The following SCAPER variants were observed in gnomAD, a reference collection of about 807,000 sequenced individuals.
SCAPER encodes S-phase cyclin A associated protein in the ER.
SCAPER carries 98 observed loss-of-function variants against 182.2 expected under a neutral mutation model. The observed-to-expected ratio is 0.54, with a 90% CI of 0.46 to 0.64. SCAPER has a LOEUF of 0.64. Among genes scored for constraint, SCAPER ranks in the 30% least tolerant of loss-of-function variants. The pLI is 0.00. For synonymous variants in SCAPER, 605 were observed against 564.6 expected, an observed-to-expected ratio of 1.07 and a Z score of -1.01; for missense variants, 1,432 against 1,690.0, an observed-to-expected ratio of 0.85 and a Z score of 2.68.
At chr15:76,415,663 A>G (rs1356881120) in intron 26 of SCAPER, among the ~76,000 whole-genome samples, 1 of 152,222 alleles carries the variant, frequency 6.6e-6, no homozygotes, top group African/African-American at 2.4e-5. Context: ...AAAAACGATT[A>G]AAAGTAGAAT....
At chr15:76,444,978 A>G (rs953210269) in intron 25 of SCAPER, among the ~76,000 whole-genome samples, 4 of 152,076 alleles carry the variant, frequency 2.6e-5, no homozygotes, top group African/African-American at 9.7e-5. Flanking sequence ...GTTATTCTTT[A>G]TATCTTCTAT....
intron 25 of SCAPER, among the ~76,000 whole-genome samples, chr15:76,444,959 T>C (rs1256432068): frequency 6.6e-6 from 1 of 152,226 alleles, no homozygotes; most frequent in African/African-American, 2.4e-5. Flanking sequence ...AATTATAGCA[T>C]TTCACTTGGT....
intron 21 of SCAPER, among the ~76,000 whole-genome samples, chr15:76,637,738 ATATATG>A (rs1357403562): frequency 1.6e-3 from 45 of 28,732 alleles, no homozygotes; most frequent in African/African-American, 3.4e-3. Flanking sequence ...ATATATATAT[ATATATG>A]TGTGTGTGTG....
At chr15:76,514,782 C>T (rs1346432501) in intron 23 of SCAPER, among the ~76,000 whole-genome samples, 4 of 152,142 alleles carry the variant, frequency 2.6e-5, no homozygotes, top group Admixed American at 2.6e-4. Flanking sequence ...TTTTTATGGT[C>T]GTTTTTCCCA....
chr15:76,388,776 T>C (rs2043455384), intron 27 of SCAPER, among the ~76,000 whole-genome samples: 1 of 151,822 alleles, frequency 6.6e-6, no homozygotes, highest in African/African-American at 2.4e-5. Flanking sequence ...CTGGCCAACA[T>C]GGTGAAACCC....
intron 1 of SCAPER, among the ~76,000 whole-genome samples, chr15:76,901,102 C>T (rs1042369250): frequency 5.9e-5 from 9 of 152,022 alleles, no homozygotes; most frequent in Non-Finnish European, 1.2e-4. Flanking sequence ...TGGTGGCACC[C>T]GCCTGTAGTC....
intron 23 of SCAPER, among the ~76,000 whole-genome samples, chr15:76,527,915 C>G (rs1161539223): frequency 6.6e-6 from 1 of 152,084 alleles, no homozygotes; most frequent in African/African-American, 2.4e-5. Context: ...AAAACTTTCC[C>G]CAACTATCTG....
intron 5 of SCAPER, among the ~76,000 whole-genome samples, chr15:76,835,238 C>A (rs563434922): frequency 6.6e-6 from 1 of 151,902 alleles, no homozygotes; most frequent in Non-Finnish European, 1.5e-5. Flanking sequence ...CAGAAAAGCT[C>A]AGGCCAATAT....
At chr15:76,452,981 C>T (rs2048477218) in intron 25 of SCAPER, among the ~76,000 whole-genome samples, 2 of 152,044 alleles carry the variant, frequency 1.3e-5, no homozygotes, top group Admixed American at 6.5e-5. Flanking sequence ...CGGGTGTGTG[C>T]CACCACACCC....
chr15:76,435,250 G>A (rs546316136), intron 25 of SCAPER, among the ~76,000 whole-genome samples: 49 of 152,270 alleles, frequency 3.2e-4, no homozygotes, highest in African/African-American at 7.2e-5. Context: ...CAGCACTATC[G>A]ACTGCATAGT....
chr15:76,483,149 C>T (rs1407125245), intron 24 of SCAPER, among the ~76,000 whole-genome samples: 1 of 151,902 alleles, frequency 6.6e-6, no homozygotes, highest in Non-Finnish European at 1.5e-5. Flanking sequence ...AAAAAATAGA[C>T]ACATAGATCA....
intron 20 of SCAPER, among the ~76,000 whole-genome samples, chr15:76,686,929 C>A (rs1473542670): frequency 4.6e-5 from 7 of 152,048 alleles, no homozygotes; most frequent in Non-Finnish European, 7.4e-5. Flanking sequence ...GAGGATCTAT[C>A]AAGCAACATT....
intron 15 of SCAPER, among the ~76,000 whole-genome samples, chr15:76,733,886 A>G (rs28416134): frequency 0.022 from 3,327 of 152,338 alleles, 113 homozygotes; most frequent in African/African-American, 0.069. Flanking sequence ...CTCAAAATGG[A>G]TAATAATCCA....
intron 20 of SCAPER, among the ~76,000 whole-genome samples, chr15:76,688,329 A>G (rs930989701): frequency 7.2e-5 from 11 of 152,114 alleles, no homozygotes; most frequent in Non-Finnish European, 1.6e-4. Flanking sequence ...TAGATTCTGG[A>G]TATTAGCCCT....
At chr15:76,718,627 C>A (rs937267295) in intron 17 of SCAPER, among the ~76,000 whole-genome samples, 1 of 147,018 alleles carries the variant, frequency 6.8e-6, no homozygotes, top group African/African-American at 2.5e-5. Context: ...GACAAGAGAA[C>A]AAGATTCTGT....
chr15:76,819,323 G>A (rs2067331002), intron 5 of SCAPER, among the ~76,000 whole-genome samples: 1 of 152,200 alleles, frequency 6.6e-6, no homozygotes, highest in South Asian at 2.1e-4. Flanking sequence ...TAGCCTAACT[G>A]GGAGCCACCC....
chr15:76,720,419 T>C (rs533022023), intron 17 of SCAPER, among the ~76,000 whole-genome samples: 82 of 152,326 alleles, frequency 5.4e-4, no homozygotes, highest in African/African-American at 2.0e-3. Context: ...AGCAGCATGA[T>C]TTATAATCCT....
intron 22 of SCAPER, among the ~76,000 whole-genome samples, chr15:76,608,899 C>A (rs1398650662): frequency 6.6e-6 from 1 of 152,094 alleles, no homozygotes; most frequent in Non-Finnish European, 1.5e-5. Flanking sequence ...TGGGAGTGAC[C>A]CGATTTTCCA....
chr15:76,767,650 A>G (rs1396227803), intron 10 of SCAPER, among the ~76,000 whole-genome samples: 3 of 152,154 alleles, frequency 2.0e-5, no homozygotes, highest in Non-Finnish European at 4.4e-5. Flanking sequence ...ATAACAAAAC[A>G]AACATGTGGT....
Sources: allele counts gnomAD v4.1 joint callset (sites outside exome capture counted in the v4.1 genomes callset), GRCh38; gene constraint gnomAD v4.1.1; transcripts MANE v1.5; gene names NCBI Gene and HGNC (gene_info 2026-07-23, HGNC 2026-07-21).